GMPS: variants seen among roughly 807,000 people sequenced by gnomAD.
The protein encoded by GMPS is guanosine monophosphate synthase.
Under a neutral mutation model 77.9 loss-of-function variants are expected in GMPS, and 15 were observed. The observed-to-expected ratio is 0.19, with a 90% confidence interval of 0.13 to 0.30. The LOEUF is 0.30. GMPS is among the 10% of genes least tolerant of loss of function. The probability of loss-of-function intolerance (pLI) is 1.00; values close to 1 mark genes in which losing one functional copy is unlikely to be tolerated. For missense variants in GMPS, 590 were observed against 838.8 expected, an observed-to-expected ratio of 0.70 and a Z score of 3.66; for synonymous variants, 224 against 275.9, an observed-to-expected ratio of 0.81 and a Z score of 1.86.
At chr3:155,897,732 G>T (rs1258555455) in intron 2 of GMPS, among the ~76,000 whole-genome samples, 195 bp from the exon 3 acceptor site, 1 of 152,202 alleles carries the variant, frequency 6.6e-6, no homozygotes, top group Non-Finnish European at 1.5e-5. Flanking sequence ...AAACATTGCA[G>T]TAAAGTACAG....
At chr3:155,905,661 C>T (rs1754860545) in intron 4 of GMPS, among the ~76,000 whole-genome samples, 1 of 152,022 alleles carries the variant, frequency 6.6e-6, no homozygotes, top group Non-Finnish European at 1.5e-5. Context: ...TCTCCCTACT[C>T]TTAAGCTGAA....
intron 1 of GMPS, among the ~76,000 whole-genome samples, chr3:155,879,553 TACC>T (rs1178963015): frequency 2.0e-5 from 3 of 152,048 alleles, no homozygotes; most frequent in African/African-American, 7.2e-5. Context: ...AGGCATGAGC[TACC>T]ACGCCTGACC....
chr3:155,873,341 G>A (rs1753947010), intron 1 of GMPS, among the ~76,000 whole-genome samples: 2 of 152,020 alleles, frequency 1.3e-5, no homozygotes, highest in Non-Finnish European at 2.9e-5. Flanking sequence ...AAGCTGGAGT[G>A]CAGTGGTGTG....
chr3:155,884,175 C>T (rs1035662506), intron 1 of GMPS, among the ~76,000 whole-genome samples: 4 of 151,304 alleles, frequency 2.6e-5, no homozygotes, highest in African/African-American at 9.7e-5. Context: ...CACCTGAGGT[C>T]AGGAGTTCAA....
intron 1 of GMPS, among the ~76,000 whole-genome samples, chr3:155,877,106 C>T (rs1329359386): frequency 6.6e-6 from 1 of 152,160 alleles, no homozygotes; most frequent in Non-Finnish European, 1.5e-5. Flanking sequence ...CTTCTGAATC[C>T]TATTATGAAT....
At chr3:155,870,552 G>A (rs1157515999), upstream of GMPS, 6 of 294,360 alleles carry the variant, frequency 2.0e-5, no homozygotes, top group Non-Finnish European at 3.2e-5. Flanking sequence ...CGGCCGGTTT[G>A]GCGGCGGCTG....
At chr3:155,881,172 T>G (rs1372361181) in intron 1 of GMPS, among the ~76,000 whole-genome samples, 63 of 144,298 alleles carry the variant, frequency 4.4e-4, no homozygotes, top group Admixed American at 8.5e-4. Context: ...TAGTTTTTTT[T>G]TTTTTTTTTT....
intron 7 of GMPS, among the ~76,000 whole-genome samples, chr3:155,912,251 A>T (rs192261128): frequency 6.6e-6 from 1 of 152,244 alleles, no homozygotes; most frequent in Non-Finnish European, 1.5e-5. Flanking sequence ...GTAAAAGCAT[A>T]AAACAGTGTA....
chr3:155,936,607 T>A, intron 15 of GMPS, 97 bp downstream of exon 15: 2 of 723,760 alleles, frequency 2.8e-6, no homozygotes, highest in Non-Finnish European at 4.7e-6. Flanking sequence ...GTATTTCTTA[T>A]GTTGGTTTTC....
chr3:155,901,909 C>G (rs1386838259), intron 3 of GMPS, among the ~76,000 whole-genome samples: 1 of 152,148 alleles, frequency 6.6e-6, no homozygotes, highest in Admixed American at 6.5e-5. Flanking sequence ...TCTCTTCACT[C>G]TTTATGGTTT....
chr3:155,921,414 A>G (rs924991276), intron 10 of GMPS, among the ~76,000 whole-genome samples: 5 of 152,184 alleles, frequency 3.3e-5, no homozygotes, highest in African/African-American at 7.2e-5. Context: ...CTCTTTATGT[A>G]TATGTTGGAA....
intron 1 of GMPS, among the ~76,000 whole-genome samples, chr3:155,872,738 A>G (rs1459149097): frequency 6.6e-6 from 1 of 152,128 alleles, no homozygotes; most frequent in Non-Finnish European, 1.5e-5. Context: ...AAGGTTCTTT[A>G]TGTTTTATAG....
chr3:155,924,016 G>C (rs1459699645), intron 11 of GMPS, among the ~76,000 whole-genome samples: 1 of 152,200 alleles, frequency 6.6e-6, no homozygotes, highest in African/African-American at 2.4e-5. Context: ...GAGTAGCTGG[G>C]ATTACAGGCA....
In GMPS at chr3:155,935,023, C is replaced by T. The variant is rs1434626697; in HGVS notation, c.1784C>T (p.Ala595Val). The T allele has an allele frequency of 6.2e-7, 1 of 1,608,044 alleles. No homozygotes were observed. The highest frequency in any genetic ancestry group is 2.2e-5 in the East Asian group (1 of 44,864). ...LSTLRQADFE[A>V]HNILRESGYA... is the part of the protein sequence containing the mutation. ...ACTTTACGCCAAGCTGATTTTGAGG[C>T]CCATAACATTCTCAGGGAGTCTGGT... The change falls in exon 14 of 16, where the codon GCC (alanine) becomes GTC (valine). Residue 595 changes from alanine (A) to valine (V), a missense_variant. Physicochemically the swap from Ala to Val is moderately conservative, Grantham distance 64 (BLOSUM62 0). This residue lies in a region of GMPS where 73 missense variants were observed against 170.5 expected (regional missense o/e 0.43). Coordinates refer to ENST00000496455, the MANE Select transcript of GMPS (RefSeq NM_003875.3).
chr3:155,914,209 G>A (rs1028817887), intron 7 of GMPS, among the ~76,000 whole-genome samples: 7 of 152,208 alleles, frequency 4.6e-5, no homozygotes, highest in Admixed American at 2.6e-4. Flanking sequence ...GCCTCCCAAA[G>A]TGCTGGGATT....
At chr3:155,925,499 G>C (rs1360656828) in intron 12 of GMPS, 133 bp downstream of exon 12, 1 of 571,552 alleles carries the variant, frequency 1.7e-6, no homozygotes, top group Non-Finnish European at 3.1e-6. Context: ...CCGCCTCCTG[G>C]GTTCAAGCAC....
intron 12 of GMPS, among the ~76,000 whole-genome samples, chr3:155,927,884 A>G (rs963195940): frequency 3.3e-5 from 5 of 152,040 alleles, no homozygotes; most frequent in African/African-American, 9.7e-5. Flanking sequence ...CTCATATTCT[A>G]TGCATACCAT....
At chr3:155,893,125 G>GTTAT (rs1435546387) in intron 1 of GMPS, among the ~76,000 whole-genome samples, 1 of 152,108 alleles carries the variant, frequency 6.6e-6, no homozygotes, top group Non-Finnish European at 1.5e-5. Flanking sequence ...ATAACTTATT[G>GTTAT]TCCAAACTGG....
At chr3:155,894,828 C>G (rs1754561751) in intron 2 of GMPS, among the ~76,000 whole-genome samples, 1 of 152,118 alleles carries the variant, frequency 6.6e-6, no homozygotes, top group Non-Finnish European at 1.5e-5. Context: ...TAACTCTGCT[C>G]TGGTGTTAGG....
Sources: gnomAD v4.1 joint callset for allele counts (sites outside exome capture counted in the v4.1 genomes callset) on GRCh38, gnomAD v4.1.1 for gene constraint, gnomAD v4.1.1 regional missense constraint, MANE v1.5 for transcripts, NCBI Gene and HGNC (gene_info 2026-07-23, HGNC 2026-07-21) for gene names.